RIN2: variants seen among roughly 807,000 people sequenced by gnomAD.
RIN2 encodes the protein Ras and Rab interactor 2.
In RIN2, 36 loss-of-function variants were observed where a neutral mutation model predicts 78.0. The ratio of observed to expected loss-of-function variants is 0.46; its 90% CI spans 0.35 to 0.61. The LOEUF is 0.61. RIN2 is among the 20% of genes least tolerant of loss of function. RIN2 has a pLI of 0.00. For missense variants in RIN2, 1,087 were observed against 1,159.7 expected (o/e 0.94, Z 0.91); for synonymous variants, 466 against 466.8 (o/e 1.00, Z 0.02).
chr20:19,837,230 T>G (rs1212389508), intron 2 of RIN2, among the ~76,000 whole-genome samples: 4 of 150,394 alleles, frequency 2.7e-5, no homozygotes, highest in Non-Finnish European at 5.9e-5. Context: ...TTACACAGCT[T>G]GGGTTTTAAC....
intron 9 of RIN2, among the ~76,000 whole-genome samples, chr20:19,988,267 C>T (rs143882573): frequency 5.3e-5 from 8 of 152,134 alleles, no homozygotes; most frequent in Non-Finnish European, 7.4e-5. Context: ...TACAGGTGTG[C>T]GCCACAACGC....
intron 2 of RIN2, among the ~76,000 whole-genome samples, chr20:19,801,837 A>C (rs965169439): frequency 1.3e-5 from 2 of 152,226 alleles, no homozygotes; most frequent in Non-Finnish European, 2.9e-5. Flanking sequence ...GCATAGTTCC[A>C]GGTATAAATA....
At chr20:19,958,475 A>G (rs931225009) in intron 5 of RIN2, among the ~76,000 whole-genome samples, 13 of 152,368 alleles carry the variant, frequency 8.5e-5, no homozygotes, top group African/African-American at 2.9e-4. Context: ...TGTTCTCTCC[A>G]TCCACCTGCC....
rs1038984648 is a variant in RIN2, at chr20:19,990,164, G to T, written c.1921G>T (p.Val641Phe). 6.2e-7 allele frequency: 1 copy of T among 1,604,526 alleles called. No homozygotes were observed. Among genetic ancestry groups the T allele is most frequent in the Non-Finnish European group, 8.5e-7 (1 of 1,175,686 alleles). Residue 641 changes from valine (V) to phenylalanine (F), a missense_variant, in exon 10 of 13, where the codon GTC (valine) becomes TTC (phenylalanine). Val to Phe is a conservative substitution (Grantham distance 50). Transcript: ENST00000255006. The stretch of plus-strand genomic sequence containing the variant: ...GCAGAGGAATCCGCAGGAGCTGGGG[G>T]TCTTCGCCCCGACCCCTGATTTTGT... ...VRQRNPQELG[V>F]FAPTPDFVDV...
chr20:19,866,998 G>A (rs193235820), intron 2 of RIN2, among the ~76,000 whole-genome samples: 5 of 79,976 alleles, frequency 6.3e-5, no homozygotes, highest in African/African-American at 3.9e-4. Context: ...TAAGAATCTT[G>A]TTTATTTTTA....
chr20:19,857,155 A>G (rs1022306578), intron 2 of RIN2, among the ~76,000 whole-genome samples: 5 of 152,208 alleles, frequency 3.3e-5, no homozygotes, highest in East Asian at 1.9e-4. Context: ...AATACCCATT[A>G]TTCTGTTTTC....
chr20:19,788,441 A>AAAAAAAAACAAAAAAAAAAC (rs1486992354), intron 1 of RIN2, among the ~76,000 whole-genome samples: 2 of 148,886 alleles, frequency 1.3e-5, no homozygotes, highest in South Asian at 2.2e-4. Flanking sequence ...CCAAAAAAAA[A>AAAAAAAAACAAAAAAAAAAC]AAAAAAAACA....
At chr20:19,817,831 T>C (rs6515042) in intron 2 of RIN2, among the ~76,000 whole-genome samples, 43,747 of 152,124 alleles carry the variant, frequency 0.29, 6,737 homozygotes, top group African/African-American at 0.41. Context: ...GCCTGAGCAC[T>C]CCATCACTAT....
At position 19,846,981 on chromosome 20, in the gene RIN2, A is replaced by G. The variant is rs115130350; in HGVS notation, c.-36-42585A>G. Reference sequence around the variant, plus strand: ...ACCTTTTGATTTTTCAAAAGACAACAGAAATCCAGATTTGTAAGTAGTATC... The same window carrying G: ...ACCTTTTGATTTTTCAAAAGACAACGGAAATCCAGATTTGTAAGTAGTATC... On this transcript the variant is annotated intron_variant, in intron 2 of 12. Transcript: ENST00000255006. Among the ~76,000 whole-genome samples, 586 of 152,350 alleles carry G rather than the reference A, an allele frequency of 3.8e-3. 1 individual carries two copies. Among genetic ancestry groups the G allele is most frequent in the African/African-American group, 0.014 (570 of 41,586 alleles).
At chr20:19,986,216 C>A (rs1601052316) in intron 9 of RIN2, among the ~76,000 whole-genome samples, 1 of 152,070 alleles carries the variant, frequency 6.6e-6, no homozygotes, top group South Asian at 2.1e-4. Context: ...TTCCTTCTCG[C>A]TTTATGAGCA....
chr20:19,908,593 C>T (rs2039327322), intron 3 of RIN2, among the ~76,000 whole-genome samples: 2 of 152,044 alleles, frequency 1.3e-5, no homozygotes, highest in African/African-American at 4.8e-5. Flanking sequence ...TCTCTCATTC[C>T]CAGCATGCAG....
chr20:19,890,137 A>G (rs2038381743), intron 3 of RIN2, among the ~76,000 whole-genome samples: 1 of 152,190 alleles, frequency 6.6e-6, no homozygotes, highest in African/African-American at 2.4e-5. Context: ...TTTCTGGTAT[A>G]TTTTATCAAA....
rs58459756 is a variant in RIN2 at position 19,860,092 on chromosome 20, A to G, written c.-36-29474A>G. Among the ~76,000 whole-genome samples the G allele has an allele frequency of 2.6e-5, 4 of 152,064 alleles. No individual in the cohort carries two copies. The East Asian group carries it at 5.8e-4, about 22-fold the overall frequency. On this transcript the variant is annotated intron_variant, in intron 2 of 12. Coordinates refer to ENST00000255006, the MANE Select transcript of RIN2 (RefSeq NM_018993.4). ...AAAGGAGCTGGGTGTTTATTTGCCA[A>G]CTCCTGCCAGGCATTGGCTTATCTC...
At chr20:19,995,271 A>AC (rs1451128567) in intron 11 of RIN2, among the ~76,000 whole-genome samples, 1 of 151,382 alleles carries the variant, frequency 6.6e-6, no homozygotes, top group Admixed American at 6.6e-5. Context: ...TAAAAAAAAA[A>AC]AAAAAAACAA....
intron 2 of RIN2, among the ~76,000 whole-genome samples, chr20:19,841,945 T>A (rs1043671016): frequency 1.3e-5 from 2 of 152,246 alleles, no homozygotes; most frequent in Non-Finnish European, 2.9e-5. Flanking sequence ...TCATTGTAGA[T>A]GAAACAGCCT....
intron 1 of RIN2, among the ~76,000 whole-genome samples, chr20:19,762,713 C>G (rs569006055): frequency 6.6e-6 from 1 of 151,980 alleles, no homozygotes; most frequent in Non-Finnish European, 1.5e-5. Context: ...TCGTGCTGTG[C>G]GAACAAGGGA....
At chr20:19,924,602 A>C (rs989778425) in intron 3 of RIN2, among the ~76,000 whole-genome samples, 1 of 762 alleles carries the variant, frequency 1.3e-3, no homozygotes. Flanking sequence ...TTCATACCCC[A>C]CCCCTTCATA....
At chr20:19,803,468 C>T (rs2035310470) in intron 2 of RIN2, among the ~76,000 whole-genome samples, 1 of 152,018 alleles carries the variant, frequency 6.6e-6, no homozygotes, top group African/African-American at 2.4e-5. Flanking sequence ...TTTTGACAAA[C>T]CTGACAAAAA....
intron 2 of RIN2, among the ~76,000 whole-genome samples, chr20:19,877,381 A>G (rs1399507981): frequency 2.0e-5 from 3 of 152,190 alleles, no homozygotes; most frequent in African/African-American, 7.2e-5. Flanking sequence ...TTGACTCCCA[A>G]GAGAAGAATG....
Sources: allele counts gnomAD v4.1 joint callset (sites outside exome capture counted in the v4.1 genomes callset), GRCh38; gene constraint gnomAD v4.1.1; transcripts MANE v1.5; gene names NCBI Gene and HGNC (gene_info 2026-07-23, HGNC 2026-07-21).